SPATA6L: variants seen among roughly 807,000 people sequenced by gnomAD.
SPATA6L encodes spermatogenesis associated 6 like.
Under a neutral mutation model 49.2 loss-of-function variants are expected in SPATA6L, and 68 were observed. That is an observed-to-expected ratio of 1.38 (90% CI 1.14 to 1.69). The LOEUF is 1.69. Ranked by LOEUF, SPATA6L falls within the 40% of genes most tolerant of loss-of-function variation. SPATA6L has a pLI of 0.00. For synonymous variants in SPATA6L, 198 were observed against 165.7 expected (o/e 1.19, Z -1.50); for missense variants, 668 against 464.3 (o/e 1.44, Z -4.03).
chr9:4,629,767 G>GGGTATATATATA (rs1831114296), intron 4 of SPATA6L, among the ~76,000 whole-genome samples: 1 of 88,900 alleles, frequency 1.1e-5, no homozygotes, highest in Admixed American at 1.5e-4. Context: ...GTGTGTGTGT[G>GGGTATATATATA]TGTATATATA....
chr9:4,642,456 G>C (rs1834236191), intron 3 of SPATA6L, among the ~76,000 whole-genome samples: 1 of 152,068 alleles, frequency 6.6e-6, no homozygotes, highest in Admixed American at 6.5e-5. Context: ...ATCTCCAAAA[G>C]CACCTATTCT....
chr9:4,656,149 AC>A, intron 2 of SPATA6L, 60 bp from the exon 3 acceptor site: 3 of 1,403,824 alleles, frequency 2.1e-6, no homozygotes, highest in South Asian at 2.4e-5. Flanking sequence ...GCATATAGAA[AC>A]TGTAAATGCC....
intron 3 of SPATA6L, chr9:4,646,322 TAATA>T: frequency 2.4e-6 from 1 of 414,468 alleles, no homozygotes; most frequent in Non-Finnish European, 4.2e-6. Flanking sequence ...AGACAAAATT[TAATA>T]GATTGGCAGA....
intron 3 of SPATA6L, among the ~76,000 whole-genome samples, chr9:4,644,679 TCTCTCTCACACA>T (rs1328385985): frequency 6.8e-5 from 9 of 132,166 alleles, no homozygotes; most frequent in Non-Finnish European, 9.2e-5. Context: ...TCTCTCTCTC[TCTCTCTCACACA>T]CACACACACA....
At chr9:4,658,312 G>C (rs546256347) in intron 2 of SPATA6L, among the ~76,000 whole-genome samples, 71 of 152,284 alleles carry the variant, frequency 4.7e-4, no homozygotes, top group African/African-American at 1.7e-3. Flanking sequence ...TGAGTAACTT[G>C]TTGACCCAAA....
intron 9 of SPATA6L, among the ~76,000 whole-genome samples, chr9:4,613,743 C>G (rs1827318377): frequency 6.6e-6 from 1 of 152,062 alleles, no homozygotes; most frequent in African/African-American, 2.4e-5. Context: ...GCCACCAAGC[C>G]CAGCGAATTT....
chr9:4,598,550 T>C lies in SPATA6L; in HGVS notation c.*2261A>G, dbSNP rs554674623. Among the ~76,000 whole-genome samples, 1 of 152,196 alleles carries C rather than the reference T, an allele frequency of 6.6e-6. No homozygotes were observed. The highest frequency in any genetic ancestry group is 2.1e-4 in the South Asian group (1 of 4,830). Reference sequence around the variant, plus strand: ...AAGTAAAGGGAAAAAAAGCGTAATTTAGTGTGAAAACCAAAAATGACTTTA... The same window carrying C: ...AAGTAAAGGGAAAAAAAGCGTAATTCAGTGTGAAAACCAAAAATGACTTTA... On this transcript the variant is annotated 3_prime_UTR_variant, in exon 12 of 12. Transcript: ENST00000682582.
intron 13 of SPATA6L, among the ~76,000 whole-genome samples, chr9:4,589,798 C>G (rs1449365909): frequency 1.3e-5 from 2 of 152,180 alleles, no homozygotes; most frequent in African/African-American, 4.8e-5. Flanking sequence ...AAGCAGGGCC[C>G]CCCGTGGGGC....
At chr9:4,622,178 C>A (rs993312664) in intron 7 of SPATA6L, among the ~76,000 whole-genome samples, 3 of 152,202 alleles carry the variant, frequency 2.0e-5, no homozygotes, top group Non-Finnish European at 4.4e-5. Context: ...ACACTCAGCA[C>A]GCCGCTCAGA....
chr9:4,660,220 A>C (rs1437875530), intron 2 of SPATA6L, among the ~76,000 whole-genome samples: 1 of 152,238 alleles, frequency 6.6e-6, no homozygotes. Flanking sequence ...CAGCAAAAGA[A>C]ACTACCATTA....
At chr9:4,652,620 C>A (rs1376620159) in intron 3 of SPATA6L, among the ~76,000 whole-genome samples, 1 of 151,772 alleles carries the variant, frequency 6.6e-6, no homozygotes, top group Non-Finnish European at 1.5e-5. Context: ...GAGTCCAAGG[C>A]GGGTGGATCA....
chr9:4,627,718 G>A (rs888623269), intron 5 of SPATA6L: 7 of 1,288,104 alleles, frequency 5.4e-6, no homozygotes, highest in African/African-American at 1.5e-5. Context: ...AATTGAGGTA[G>A]TACACATGGA....
intron 9 of SPATA6L, among the ~76,000 whole-genome samples, chr9:4,607,157 T>G (rs1825468550): frequency 6.6e-6 from 1 of 152,052 alleles, no homozygotes; most frequent in South Asian, 2.1e-4. Flanking sequence ...AAAGACCAAA[T>G]CTACGTCTGA....
intron 3 of SPATA6L, chr9:4,646,481 C>A (rs766804517): frequency 2.0e-5 from 31 of 1,515,500 alleles, no homozygotes; most frequent in Non-Finnish European, 2.5e-5. Context: ...TTTACTGCCA[C>A]ATTACCTGGA....
intron 4 of SPATA6L, chr9:4,633,412 T>C (rs1054360206): frequency 6.5e-6 from 1 of 154,742 alleles, no homozygotes; most frequent in Admixed American, 6.5e-5. Flanking sequence ...ACTGACACTA[T>C]GGTGCCTTGT....
At chr9:4,659,723 C>A (rs1311047536) in intron 2 of SPATA6L, among the ~76,000 whole-genome samples, 1 of 152,142 alleles carries the variant, frequency 6.6e-6, no homozygotes, top group Admixed American at 6.5e-5. Context: ...ATTGCCAAGA[C>A]AATCCTAAGC....
chr9:4,622,145 C>G (rs1829452657), intron 7 of SPATA6L, among the ~76,000 whole-genome samples: 1 of 152,152 alleles, frequency 6.6e-6, no homozygotes, highest in African/African-American at 2.4e-5. Flanking sequence ...CCGGAACAGC[C>G]AGGGGACAAC....
Position 4,638,919 on chromosome 9 carries a change from G to T in SPATA6L, c.227-3520C>A, listed in dbSNP as rs12339256. 4.1e-3 allele frequency among the ~76,000 whole-genome samples: 630 copies of T among 152,056 alleles called. 6 individuals are homozygous for T. The highest frequency in any genetic ancestry group is 0.014 in the African/African-American group (598 of 41,470). The stretch of plus-strand genomic sequence containing the variant: ...CCTGCCTCAGCCTCCCGAGTAACTG[G>T]GACTACAGACGCGCACCACAAATTC... On this transcript the variant is annotated intron_variant, in intron 3 of 11. Transcript: ENST00000682582.
At chr9:4,652,640 G>A (rs1413350389) in intron 3 of SPATA6L, among the ~76,000 whole-genome samples, 1 of 151,548 alleles carries the variant, frequency 6.6e-6, no homozygotes, top group African/African-American at 2.4e-5. Flanking sequence ...ACCTGAGTTC[G>A]AGACCAGTCT....
Sources: gnomAD v4.1 joint callset for allele counts (sites outside exome capture counted in the v4.1 genomes callset) on GRCh38, gnomAD v4.1.1 for gene constraint, MANE v1.5 for transcripts, NCBI Gene and HGNC (gene_info 2026-07-23, HGNC 2026-07-21) for gene names.